UTS2: variants seen among roughly 807,000 people sequenced by gnomAD.
The protein encoded by UTS2 is urotensin-2.
A neutral mutation model predicts 12.6 loss-of-function variants in UTS2; 10 were observed. That is an observed-to-expected ratio of 0.80 (90% confidence interval 0.49 to 1.35). The LOEUF (loss-of-function observed/expected upper bound fraction) is 1.35, where lower values mean the gene tolerates loss of function less well. Among genes scored for constraint, UTS2 ranks in the 40% most tolerant of loss-of-function variants. The pLI is 0.00. For synonymous variants in UTS2, 52 were observed against 50.0 expected (o/e 1.04, Z -0.17); for missense variants, 142 against 143.2 (o/e 0.99, Z 0.04).
intron 2 of UTS2, 152 bp from the exon 3 acceptor site, chr1:7,849,835 A>C: frequency 1.6e-6 from 1 of 636,282 alleles, no homozygotes; most frequent in South Asian, 2.2e-5. Flanking sequence ...ACAGACAGGC[A>C]CTCCTGTTCT....
chr1:7,900,281 G>C, the UTS2 span, among the ~76,000 whole-genome samples: 18,364 of 150,830 alleles, frequency 0.12, 2,463 homozygotes, highest in East Asian at 0.56. Flanking sequence ...TGCCTGTATT[G>C]CCAGCTACTC....
At position 7,849,656 on chromosome 1, in the gene UTS2, C is replaced by G; in HGVS notation, c.242G>C (p.Arg81Thr). 6.2e-7 allele frequency: 1 copy of G among 1,610,292 alleles called. No homozygotes were observed. The highest frequency in any genetic ancestry group is 8.5e-7 in the Non-Finnish European group (1 of 1,179,246). ...GTCACTTACCTTTCTCAAATTTCCT[C>G]TTGGGTTAAAAATGTTGGTACTTGA... ...ADSSTNIFNP[R>T]GNLRKFQDFS... The change falls in exon 3 of 4, where the codon AGA (arginine) becomes ACA (threonine). Residue 81 changes from arginine to threonine, a missense_variant. By Grantham distance (71) the Arg-to-Thr change is moderately conservative. Coordinates refer to ENST00000361696, the MANE Select transcript of UTS2 (RefSeq NM_006786.4).
At chr1:7,904,968 A>T in the UTS2 span, among the ~76,000 whole-genome samples, 2 of 151,320 alleles carry the variant, frequency 1.3e-5, no homozygotes, top group Admixed American at 6.6e-5. Context: ...TAGTGAATAC[A>T]TGCATATCCA....
At chr1:7,893,317 T>C in the UTS2 span, among the ~76,000 whole-genome samples, 1 of 151,946 alleles carries the variant, frequency 6.6e-6, no homozygotes, top group South Asian at 2.1e-4. Flanking sequence ...GCCTGGACAA[T>C]GTGGTGAAAC....
chr1:7,893,860 G>A, the UTS2 span, among the ~76,000 whole-genome samples: 4 of 152,146 alleles, frequency 2.6e-5, no homozygotes, highest in Non-Finnish European at 5.9e-5. Flanking sequence ...ACCTTGAACA[G>A]AAGGAAAAAA....
chr1:7,861,673 C>G, the UTS2 span, among the ~76,000 whole-genome samples: 1 of 152,168 alleles, frequency 6.6e-6, no homozygotes, highest in Non-Finnish European at 1.5e-5. Flanking sequence ...CCCAGGTAGC[C>G]AGGCTTGGTG....
chr1:7,881,359 T>C, the UTS2 span, among the ~76,000 whole-genome samples: 2 of 152,150 alleles, frequency 1.3e-5, no homozygotes, highest in Non-Finnish European at 2.9e-5. Flanking sequence ...TGTCCCTCTT[T>C]GCAGATAACA....
At chr1:7,903,365 CTTT>C in the UTS2 span, among the ~76,000 whole-genome samples, 2 of 142,780 alleles carry the variant, frequency 1.4e-5, no homozygotes, top group Non-Finnish European at 3.0e-5. Flanking sequence ...CCCCTCCTTC[CTTT>C]TTTTAATTAT....
upstream of UTS2, among the ~76,000 whole-genome samples, chr1:7,855,506 C>T (rs1014165973): frequency 1.3e-5 from 2 of 152,072 alleles, no homozygotes; most frequent in Non-Finnish European, 2.9e-5. Flanking sequence ...ATAGCTTCAA[C>T]CTGGGAGTCG....
chr1:7,847,702 T>C lies in UTS2; in HGVS notation c.*64A>G. ...CTCCACACTGTTTTCAAATCAAGCA[T>C]TGTGTTATTTTTCATATTCTAAGAT... On this transcript the variant is annotated 3_prime_UTR_variant, in exon 4 of 4. Coordinates refer to ENST00000361696, the MANE Select transcript of UTS2 (RefSeq NM_006786.4). 1 of 1,258,104 alleles carries C rather than the reference T, an allele frequency of 7.9e-7. No homozygotes were observed. Among genetic ancestry groups the C allele is most frequent in the Non-Finnish European group, 1.1e-6 (1 of 872,166 alleles). 77.9% of individuals were successfully genotyped at this position (1,258,104 alleles called of 1,614,324 possible). A position where few individuals can be genotyped will look rare whatever the true frequency, so the allele number is the denominator to read the frequency against.
intron 2 of UTS2, 21 bp from the exon 3 acceptor site, chr1:7,849,704 C>A: frequency 6.2e-7 from 1 of 1,600,436 alleles, no homozygotes; most frequent in Non-Finnish European, 8.5e-7. Flanking sequence ...GTTTTGAAGC[C>A]AGTTCATCAG....
chr1:7,901,759 A>G, the UTS2 span, among the ~76,000 whole-genome samples: 1 of 152,126 alleles, frequency 6.6e-6, no homozygotes, highest in African/African-American at 2.4e-5. Context: ...AGATGGTTCA[A>G]TCCAGTGCCA....
At chr1:7,850,782 G>T in intron 2 of UTS2, 30 bp downstream of exon 2, 1 of 1,604,722 alleles carries the variant, frequency 6.2e-7, no homozygotes, top group South Asian at 1.1e-5. Context: ...AATTAAATCA[G>T]ACACGCTATA....
the UTS2 span, among the ~76,000 whole-genome samples, chr1:7,863,100 A>T: frequency 7.7e-6 from 1 of 129,726 alleles, no homozygotes; most frequent in African/African-American, 3.3e-5. Context: ...ATTGTATTGT[A>T]TTGTATTGTA....
chr1:7,847,795 G>A lies in UTS2; in HGVS notation c.346C>T (p.Pro116Ser). The change falls in exon 4 of 4, where the codon CCT becomes TCT. Residue 116 changes from proline (P) to serine (S), a missense_variant. By Grantham distance (74) the Pro-to-Ser change is moderately conservative. Coordinates refer to ENST00000361696, the MANE Select transcript of UTS2 (RefSeq NM_006786.4). The part of the protein sequence containing the change: ...IWKPYKKRET[P>S]DCFWKYCV ...ACACAGTATTTCCAGAAGCAATCAG[G>A]AGTCTCACGTTTCTTGTATGGTTTC... 6.2e-7 allele frequency: 1 copy of A among 1,613,616 alleles called. No homozygotes were observed. The highest frequency in any genetic ancestry group is 8.5e-7 in the Non-Finnish European group (1 of 1,179,752).
the UTS2 span, among the ~76,000 whole-genome samples, chr1:7,903,937 C>G: frequency 7.2e-5 from 11 of 152,084 alleles, no homozygotes; most frequent in African/African-American, 2.7e-4. Flanking sequence ...CAAAAACGAA[C>G]TTCATGTGTT....
the UTS2 span, among the ~76,000 whole-genome samples, chr1:7,876,342 C>T: frequency 6.6e-6 from 1 of 152,242 alleles, no homozygotes; most frequent in African/African-American, 2.4e-5. Flanking sequence ...ACCCATCCCA[C>T]TTGCTACCAC....
upstream of UTS2, chr1:7,853,233 T>C: frequency 1.3e-6 from 2 of 1,591,088 alleles, no homozygotes; most frequent in Admixed American, 1.7e-5. Flanking sequence ...TTAACTGTCT[T>C]GTTGCCTAGT....
the UTS2 span, among the ~76,000 whole-genome samples, chr1:7,890,142 T>A: frequency 7.9e-5 from 11 of 138,608 alleles, no homozygotes; most frequent in Non-Finnish European, 1.6e-4. Flanking sequence ...AAAAAAAAAA[T>A]TCCTCTTTTA....
Sources: allele counts gnomAD v4.1 joint callset (sites outside exome capture counted in the v4.1 genomes callset), GRCh38; gene constraint gnomAD v4.1.1; transcripts MANE v1.5; gene names NCBI Gene and HGNC (gene_info 2026-07-23, HGNC 2026-07-21).